Variants in ROCK2 observed in about 807,000 individuals in gnomAD.
ROCK2 encodes the protein Rho associated coiled-coil containing protein kinase 2.
A neutral mutation model predicts 195.1 loss-of-function variants in ROCK2; 61 were observed. The observed-to-expected ratio is 0.31, with a 90% CI of 0.25 to 0.39. The LOEUF (loss-of-function observed/expected upper bound fraction) is 0.39, where lower values mean the gene tolerates loss of function less well. Among genes scored for constraint, ROCK2 ranks in the 10% least tolerant of loss-of-function variants. ROCK2 has a pLI of 1.00. For synonymous variants in ROCK2, 504 were observed against 545.5 expected, an observed-to-expected ratio of 0.92 and a Z score of 1.06; for missense variants, 1,109 against 1,637.4, an observed-to-expected ratio of 0.68 and a Z score of 5.57.
chr2:11,256,408 T>C lies in ROCK2; in HGVS notation c.325-6610A>G, dbSNP rs1214879168. Among the ~76,000 whole-genome samples, 2 of 151,236 alleles carry C rather than the reference T, an allele frequency of 1.3e-5. 1 individual carries two copies. Among genetic ancestry groups the C allele is most frequent in the African/African-American group, 4.9e-5 (2 of 40,576 alleles). On this transcript the variant is annotated intron_variant, in intron 3 of 32. Transcript: ENST00000315872. ...GCCACGTAAGACGTGCTTGCTTCCC[T>C]TTCACCTTCTGCCATGATTGTAAAT...
At chr2:11,321,886 T>A (rs1389657587) in intron 1 of ROCK2, among the ~76,000 whole-genome samples, 1 of 152,172 alleles carries the variant, frequency 6.6e-6, no homozygotes, top group Non-Finnish European at 1.5e-5. Context: ...CGAGTTGAAG[T>A]CCTAACTCCC....
chr2:11,321,249 C>A (rs192525460), intron 1 of ROCK2, among the ~76,000 whole-genome samples: 1 of 152,120 alleles, frequency 6.6e-6, no homozygotes, highest in Non-Finnish European at 1.5e-5. Flanking sequence ...GATCTCAGCT[C>A]GCTGCAACCT....
At chr2:11,322,943 A>G (rs1253758873) in intron 1 of ROCK2, among the ~76,000 whole-genome samples, 1 of 152,220 alleles carries the variant, frequency 6.6e-6, no homozygotes, top group African/African-American at 2.4e-5. Context: ...TAGATCATAC[A>G]GTGAAACGCT....
At position 11,343,847 on chromosome 2, in the gene ROCK2, G is replaced by A. The variant is rs981808726; in HGVS notation, c.141+149C>T. ...ACTCTTGGAACTCGGTGACAGAATC[G>A]TTTGGTCTCCGGCCCCGGCTGCCGG... On this transcript the variant is annotated intron_variant, in intron 1 of 32. Transcript: ENST00000315872. 50 of 959,092 alleles carry A rather than the reference G, an allele frequency of 5.2e-5. No individual in the cohort carries two copies. In the Admixed American group the frequency reaches 9.6e-4, roughly 18 times the overall value. 59.4% of individuals were successfully genotyped at this position (959,092 alleles called of 1,614,324 possible). A position where few individuals can be genotyped will look rare whatever the true frequency, so the allele number is the denominator to read the frequency against.
Position 11,207,927 on chromosome 2 carries a change from G to A in ROCK2, c.2365-17C>T. 6.6e-7 allele frequency: 1 copy of A among 1,512,080 alleles called. No homozygotes were observed. Among genetic ancestry groups the A allele is most frequent in the Middle Eastern group, 1.8e-4 (1 of 5,572 alleles). 93.7% of individuals were successfully genotyped at this position (1,512,080 alleles called of 1,614,324 possible). A position where few individuals can be genotyped will look rare whatever the true frequency, so the allele number is the denominator to read the frequency against. ...GTTTCTAACCTAAGAAATAAATTGT[G>A]TACTTGGTATATAAGTAAATTATTT... On this transcript the variant is annotated splice_polypyrimidine_tract_variant and intron_variant, in intron 19 of 32. Coordinates refer to ENST00000315872, the MANE Select transcript of ROCK2 (RefSeq NM_004850.5).
chr2:11,260,812 T>C (rs1469599362), intron 3 of ROCK2, among the ~76,000 whole-genome samples: 1 of 152,178 alleles, frequency 6.6e-6, no homozygotes, highest in African/African-American at 2.4e-5. Context: ...TTCATTTATA[T>C]AAAATAAAAT....
intron 4 of ROCK2, among the ~76,000 whole-genome samples, chr2:11,239,102 A>T (rs1218725652): frequency 6.6e-6 from 1 of 152,172 alleles, no homozygotes; most frequent in Non-Finnish European, 1.5e-5. Context: ...AAGAGTTAAA[A>T]CTACAAAAAT....
intron 1 of ROCK2, among the ~76,000 whole-genome samples, chr2:11,288,853 C>A (rs1327763032): frequency 6.6e-6 from 1 of 152,128 alleles, no homozygotes; most frequent in African/African-American, 2.4e-5. Context: ...AGGAGGATCA[C>A]TTGAGCCCAG....
intron 3 of ROCK2, among the ~76,000 whole-genome samples, chr2:11,266,750 T>C (rs1313226161): frequency 6.6e-6 from 1 of 152,222 alleles, no homozygotes; most frequent in Non-Finnish European, 1.5e-5. Context: ...ACTTCTCCTT[T>C]GGATTCTTAT....
chr2:11,308,798 T>G, intron 1 of ROCK2: 2 of 1,611,914 alleles, frequency 1.2e-6, no homozygotes, highest in Non-Finnish European at 8.5e-7. Flanking sequence ...GTGTTTTGCT[T>G]TCATGGAGAT....
chr2:11,282,380 A>G (rs1313428821), intron 3 of ROCK2, among the ~76,000 whole-genome samples: 4 of 152,044 alleles, frequency 2.6e-5, no homozygotes, highest in African/African-American at 9.7e-5. Flanking sequence ...TAAATAAGGA[A>G]GAACAAAATG....
intron 1 of ROCK2, among the ~76,000 whole-genome samples, chr2:11,332,502 C>A (rs1668801485): frequency 6.6e-6 from 1 of 152,148 alleles, no homozygotes; most frequent in Non-Finnish European, 1.5e-5. Context: ...ATCAAAAGAA[C>A]AAGCAAAACA....
intron 3 of ROCK2, among the ~76,000 whole-genome samples, chr2:11,257,230 A>C (rs1468129327): frequency 6.6e-6 from 1 of 150,790 alleles, no homozygotes; most frequent in East Asian, 1.9e-4. Flanking sequence ...GACAGCGATC[A>C]AAAGGCCGAA....
intron 4 of ROCK2, among the ~76,000 whole-genome samples, chr2:11,248,329 C>T (rs1324789680): frequency 1.3e-5 from 2 of 151,942 alleles, no homozygotes; most frequent in African/African-American, 2.4e-5. Flanking sequence ...TTACTCAGGA[C>T]ACTTGTTCAA....
chr2:11,240,290 C>T (rs1558319118), intron 4 of ROCK2, among the ~76,000 whole-genome samples: 1 of 152,188 alleles, frequency 6.6e-6, no homozygotes, highest in Non-Finnish European at 1.5e-5. Context: ...CAGAAGGACA[C>T]GTGAGTCACC....
intron 3 of ROCK2, among the ~76,000 whole-genome samples, chr2:11,275,257 C>T (rs929274964): frequency 9.0e-6 from 1 of 110,562 alleles, no homozygotes; most frequent in African/African-American, 3.5e-5. Context: ...GACTTCATGT[C>T]AAAAAAAAAA....
At chr2:11,338,363 C>T (rs1229163500) in intron 1 of ROCK2, among the ~76,000 whole-genome samples, 1 of 151,972 alleles carries the variant, frequency 6.6e-6, no homozygotes, top group Non-Finnish European at 1.5e-5. Flanking sequence ...TTAAAAAAAT[C>T]AAGCCAAAAT....
At chr2:11,191,168 T>C (rs1221039724) in intron 32 of ROCK2, among the ~76,000 whole-genome samples, 2 of 152,222 alleles carry the variant, frequency 1.3e-5, no homozygotes, top group African/African-American at 4.8e-5. Context: ...GATCAAAGGA[T>C]ATGCTTTTTC....
At chr2:11,190,294 G>A (rs1014519685) in intron 32 of ROCK2, among the ~76,000 whole-genome samples, 6 of 150,978 alleles carry the variant, frequency 4.0e-5, no homozygotes, top group South Asian at 2.1e-4. Flanking sequence ...ACTACTTACC[G>A]TTGCTATGAC....
Sources: allele counts gnomAD v4.1 joint callset (sites outside exome capture counted in the v4.1 genomes callset), GRCh38; gene constraint gnomAD v4.1.1; transcripts MANE v1.5; gene names NCBI Gene and HGNC (gene_info 2026-07-23, HGNC 2026-07-21).